The following CNTNAP2 variants were observed in gnomAD, a reference collection of about 807,000 sequenced individuals.
The protein encoded by CNTNAP2 is contactin-associated protein-like 2.
In CNTNAP2, 98 loss-of-function variants were observed where a neutral mutation model predicts 155.2. That is an observed-to-expected ratio of 0.63 (90% CI 0.54 to 0.75). The LOEUF is 0.75. Ranked by LOEUF, CNTNAP2 falls within the 30% of genes least tolerant of loss-of-function variation. CNTNAP2 has a pLI of 0.00. For synonymous variants in CNTNAP2, 651 were observed against 631.2 expected (o/e 1.03, Z -0.47); for missense variants, 1,727 against 1,688.1 (o/e 1.02, Z -0.40).
At chr7:148,262,528 C>T (rs75968207) in intron 20 of CNTNAP2, among the ~76,000 whole-genome samples, 4,450 of 152,134 alleles carry the variant, frequency 0.029, 210 homozygotes, top group African/African-American at 0.099. Flanking sequence ...CCTTGCCTTT[C>T]TCAGCTTCTA....
At chr7:147,702,626 A>C (rs1217203781) in intron 13 of CNTNAP2, among the ~76,000 whole-genome samples, 8 of 151,952 alleles carry the variant, frequency 5.3e-5, no homozygotes, top group Admixed American at 5.2e-4. Context: ...AGACCAGAAA[A>C]AGTAATAGAA....
At chr7:147,076,549 T>G (rs1800005126) in intron 4 of CNTNAP2, among the ~76,000 whole-genome samples, 2 of 152,196 alleles carry the variant, frequency 1.3e-5, no homozygotes, top group Admixed American at 1.3e-4. Flanking sequence ...GTCAGATGGG[T>G]AGTATTTTTA....
At chr7:147,848,887 G>A (rs1209178468) in intron 13 of CNTNAP2, among the ~76,000 whole-genome samples, 2 of 151,954 alleles carry the variant, frequency 1.3e-5, no homozygotes, top group African/African-American at 2.4e-5. Context: ...GACAGTTTGG[G>A]AGGAATTTTA....
chr7:147,285,508 T>G (rs1012209661), intron 8 of CNTNAP2, among the ~76,000 whole-genome samples: 2 of 152,018 alleles, frequency 1.3e-5, no homozygotes, highest in African/African-American at 2.4e-5. Flanking sequence ...TTATAAACAT[T>G]TAGAAAAAAT....
At chr7:148,177,093 C>T (rs1051688515) in intron 18 of CNTNAP2, among the ~76,000 whole-genome samples, 3 of 152,148 alleles carry the variant, frequency 2.0e-5, no homozygotes, top group African/African-American at 7.2e-5. Flanking sequence ...AAATAACATA[C>T]CTATAGTAGA....
intron 1 of CNTNAP2, among the ~76,000 whole-genome samples, chr7:146,577,857 A>G (rs150369421): frequency 9.9e-5 from 15 of 152,202 alleles, no homozygotes; most frequent in Admixed American, 3.9e-4. Flanking sequence ...AAAAGTGAAG[A>G]GTTTGAAAAG....
intron 13 of CNTNAP2, among the ~76,000 whole-genome samples, chr7:147,645,052 G>A (rs1429929188): frequency 1.3e-5 from 2 of 152,046 alleles, no homozygotes; most frequent in East Asian, 3.9e-4. Context: ...GTTGAAAGAA[G>A]CAATATAAAT....
intron 1 of CNTNAP2, among the ~76,000 whole-genome samples, chr7:146,749,084 TCTAC>T: frequency 6.6e-6 from 1 of 152,302 alleles, no homozygotes; most frequent in East Asian, 1.9e-4. Flanking sequence ...AATTGCTCTA[TCTAC>T]CTATTTATCT....
chr7:146,650,785 G>T (rs1430231613), intron 1 of CNTNAP2, among the ~76,000 whole-genome samples: 2 of 152,104 alleles, frequency 1.3e-5, no homozygotes, highest in Non-Finnish European at 2.9e-5. Flanking sequence ...AAAATAAAAT[G>T]ATATAGTGCT....
chr7:146,928,013 T>A (rs1026780525), intron 3 of CNTNAP2, among the ~76,000 whole-genome samples: 9 of 151,210 alleles, frequency 6.0e-5, no homozygotes, highest in Middle Eastern at 3.5e-3. Flanking sequence ...ATTTTCCTTA[T>A]AAAATATCCC....
intron 1 of CNTNAP2, among the ~76,000 whole-genome samples, chr7:146,249,376 T>A (rs1307234149): frequency 6.6e-6 from 1 of 152,212 alleles, no homozygotes; most frequent in East Asian, 1.9e-4. Context: ...TCAAATTTAT[T>A]TCTGTATCTC....
chr7:147,351,362 G>C (rs1024013241), intron 9 of CNTNAP2, among the ~76,000 whole-genome samples: 2 of 151,358 alleles, frequency 1.3e-5, no homozygotes, highest in African/African-American at 2.4e-5. Flanking sequence ...TGCAGCTCCT[G>C]GAATAATCCT....
intron 15 of CNTNAP2, among the ~76,000 whole-genome samples, chr7:148,105,547 G>C (rs1247738730): frequency 1.3e-5 from 2 of 151,978 alleles, no homozygotes; most frequent in Non-Finnish European, 2.9e-5. Flanking sequence ...TGATGCATGA[G>C]AGTGAAATGG....
chr7:146,194,605 A>T (rs1449033608), intron 1 of CNTNAP2, among the ~76,000 whole-genome samples: 1 of 152,234 alleles, frequency 6.6e-6, no homozygotes, highest in Non-Finnish European at 1.5e-5. Flanking sequence ...CCATATCACC[A>T]ACTGTATCTA....
intron 21 of CNTNAP2, among the ~76,000 whole-genome samples, chr7:148,373,730 G>T (rs1048743286): frequency 5.3e-5 from 8 of 152,148 alleles, no homozygotes; most frequent in African/African-American, 1.9e-4. Flanking sequence ...GCCTCTCTCA[G>T]TGCTCTCCCA....
At chr7:146,900,700 C>T (rs1795974810) in intron 3 of CNTNAP2, among the ~76,000 whole-genome samples, 1 of 152,188 alleles carries the variant, frequency 6.6e-6, no homozygotes, top group Non-Finnish European at 1.5e-5. Context: ...GAGGCAGTAC[C>T]TCTGTCAGCT....
At chr7:148,335,293 C>A (rs753068805) in intron 21 of CNTNAP2, among the ~76,000 whole-genome samples, 9 of 152,170 alleles carry the variant, frequency 5.9e-5, no homozygotes, top group Non-Finnish European at 1.0e-4. Flanking sequence ...GAAATCCAGG[C>A]CTGCCATGCC....
At position 147,620,532 on chromosome 7, in the gene CNTNAP2, AT is replaced by A. The variant is rs551070268; in HGVS notation, c.1898-18568del. The stretch of plus-strand genomic sequence containing the variant: ...TAACTAATATATCATATAATTATAT[AT>A]TTTTTAAATTAATTGAATTAAAAAG... On this transcript the variant is annotated intron_variant, in intron 12 of 23. Transcript: ENST00000361727. 8.5e-4 allele frequency among the ~76,000 whole-genome samples: 128 copies of A among 150,230 alleles called. 1 individual carries two copies. Among genetic ancestry groups the A allele is most frequent in the African/African-American group, 2.9e-3 (120 of 41,274 alleles).
chr7:147,162,363 TTAA>T, intron 8 of CNTNAP2, among the ~76,000 whole-genome samples: 1 of 152,102 alleles, frequency 6.6e-6, no homozygotes, highest in East Asian at 1.9e-4. Flanking sequence ...CAGTACAAAA[TTAA>T]AAAAAGACTG....
Sources: gnomAD v4.1 joint callset for allele counts (sites outside exome capture counted in the v4.1 genomes callset) on GRCh38, gnomAD v4.1.1 for gene constraint, MANE v1.5 for transcripts, NCBI Gene and HGNC (gene_info 2026-07-23, HGNC 2026-07-21) for gene names.